The following LRP4 variants were observed in gnomAD, a reference collection of about 807,000 sequenced individuals.
LRP4 encodes low-density lipoprotein receptor-related protein 4.
LRP4 carries 95 observed loss-of-function variants against 220.3 expected under a neutral mutation model. That is an observed-to-expected ratio of 0.43 (90% CI 0.37 to 0.51). The LOEUF (loss-of-function observed/expected upper bound fraction) is 0.51. LRP4 is among the 20% of genes least tolerant of loss of function. LRP4 has a pLI of 0.00. For missense variants in LRP4, 1,925 were observed against 2,567.0 expected, an observed-to-expected ratio of 0.75 and a Z score of 5.40; for synonymous variants, 903 against 954.6, an observed-to-expected ratio of 0.95 and a Z score of 1.00.
chr11:46,876,895 T>C (rs1941035576), intron 23 of LRP4, 65 bp from the exon 24 acceptor site: 2 of 1,280,016 alleles, frequency 1.6e-6, no homozygotes, highest in Non-Finnish European at 1.1e-6. Context: ...ACACAGCTGA[T>C]TCATGTCTTG....
At chr11:46,888,133 C>T (rs2134832761) in intron 16 of LRP4, among the ~76,000 whole-genome samples, 1 of 151,024 alleles carries the variant, frequency 6.6e-6, no homozygotes, top group Non-Finnish European at 1.5e-5. Flanking sequence ...ACCAGCCTGA[C>T]CAACATGGTG....
At chr11:46,909,580 C>T (rs1183614358) in intron 1 of LRP4, among the ~76,000 whole-genome samples, 1 of 103,604 alleles carries the variant, frequency 9.7e-6, no homozygotes, top group African/African-American at 3.9e-5. Context: ...AGTCCGCAGT[C>T]CGGCCTGGGC....
At chr11:46,907,944 T>G (rs1030454765) in intron 1 of LRP4, among the ~76,000 whole-genome samples, 5 of 152,168 alleles carry the variant, frequency 3.3e-5, no homozygotes, top group African/African-American at 1.2e-4. Flanking sequence ...AACCATCTTT[T>G]TTTTTTCCGA....
Position 46,898,568 on chromosome 11 carries a change from C to T in LRP4, c.786G>A (p.Glu262=), listed in dbSNP as rs1941594175. Residue 262 remains glutamate (E), a synonymous_variant, in exon 7 of 38, where the codon GAG becomes GAA. Transcript: ENST00000378623. The part of the protein sequence containing the change: ...GDADCDDQSD[E]RNCTTSMCTA... ...CATTTCCCCACTCACTGCAGTTGCG[C>T]TCATCAGACTGGTCATCACAGTCCG... 1 of 1,614,062 alleles carries T rather than the reference C, an allele frequency of 6.2e-7. No homozygotes were observed. Among genetic ancestry groups the T allele is most frequent in the African/African-American group, 1.3e-5 (1 of 74,942 alleles).
In LRP4 at chr11:46,868,634, A is replaced by G; in HGVS notation, c.4917T>C (p.Cys1639=). ...AGGGCCGGCTATCAGGTTCGTCAGG[A>G]CAGGCACATACGAAGTCCGAGGCTC... The part of the protein sequence containing the change: ...FARASDFVCA[C]PDEPDSRPCS... Residue 1639 remains cysteine, a synonymous_variant, in exon 33 of 38, where the codon TGT becomes TGC. Transcript: ENST00000378623. 6.2e-7 allele frequency: 1 copy of G among 1,614,164 alleles called. No individual in the cohort carries two copies. The highest frequency in any genetic ancestry group is 8.5e-7 in the Non-Finnish European group (1 of 1,180,006).
In LRP4 at chr11:46,871,346, T is replaced by C. The variant is rs377431898; in HGVS notation, c.4692+179A>G. Among the ~76,000 whole-genome samples, 45 of 151,902 alleles carry C rather than the reference T, an allele frequency of 3.0e-4. No homozygotes were observed. In the South Asian group the frequency reaches 8.7e-3, roughly 30 times the overall value. On this transcript the variant is annotated intron_variant, in intron 31 of 37. Coordinates refer to ENST00000378623, the MANE Select transcript of LRP4 (RefSeq NM_002334.4). The stretch of plus-strand genomic sequence containing the variant: ...GAACATGGGAATGGCAGGATAAGAG[T>C]AGCAAGGCACTCGGTGGCCCTACCA...
chr11:46,897,545 G>A (rs1406328441), intron 7 of LRP4, among the ~76,000 whole-genome samples: 1 of 149,380 alleles, frequency 6.7e-6, no homozygotes, highest in African/African-American at 2.5e-5. Flanking sequence ...TGTGTCCCTG[G>A]GTACTTGAGA....
intron 19 of LRP4, among the ~76,000 whole-genome samples, chr11:46,882,866 AAAC>A (rs34769564): frequency 0.37 from 55,817 of 151,610 alleles, 11,792 homozygotes; most frequent in Non-Finnish European, 0.46. Flanking sequence ...CAAAACAAAC[AAAC>A]AACAACAACA....
chr11:46,905,640 C>G (rs1208313251), intron 1 of LRP4, among the ~76,000 whole-genome samples: 1 of 152,102 alleles, frequency 6.6e-6, no homozygotes, highest in Non-Finnish European at 1.5e-5. Flanking sequence ...CACCTGAGGT[C>G]AGGAGTTCAA....
At position 46,875,786 on chromosome 11, in the gene LRP4, C is replaced by T. The variant is rs1652126302; in HGVS notation, c.3699+18G>A. 6.2e-7 allele frequency: 1 copy of T among 1,613,910 alleles called. No individual in the cohort carries two copies. ...ATCTTCCCAGGCTCCTGGGAAGCAG[C>T]AGGGACACGGCTCTCACCTCGGTGT... On this transcript the variant is annotated intron_variant, in intron 26 of 37. Coordinates refer to ENST00000378623, the MANE Select transcript of LRP4 (RefSeq NM_002334.4). The surrounding 1 kb of genome is among the most constrained non-coding windows in gnomAD (Gnocchi z 4.5).
chr11:46,877,054 G>T, intron 23 of LRP4, 145 bp downstream of exon 23: 1 of 1,018,594 alleles, frequency 9.8e-7, no homozygotes. Context: ...GAGTGCTAGA[G>T]AGACAGGGAC....
At chr11:46,863,755 T>G (rs1940621862) in intron 36 of LRP4, among the ~76,000 whole-genome samples, 1 of 151,816 alleles carries the variant, frequency 6.6e-6, no homozygotes, top group African/African-American at 2.4e-5. Flanking sequence ...TGAGACTCTA[T>G]CTCAAAAAAA....
At chr11:46,887,951 G>A (rs923483350) in intron 16 of LRP4, among the ~76,000 whole-genome samples, 2 of 138,284 alleles carry the variant, frequency 1.4e-5, no homozygotes, top group Non-Finnish European at 3.0e-5. Flanking sequence ...GGAAGTCGAA[G>A]CTGCAGTGAG....
intron 1 of LRP4, among the ~76,000 whole-genome samples, chr11:46,912,184 C>T (rs1251164341): frequency 6.6e-6 from 1 of 152,162 alleles, no homozygotes; most frequent in Non-Finnish European, 1.5e-5. Context: ...TGTTACCTAC[C>T]TCATAAGGAT....
Position 46,857,839 on chromosome 11 carries a change from C to T in LRP4, c.*1144G>A, listed in dbSNP as rs1940419178. ...GAGGAACATCACCACCCCGTAGCCA[C>T]AGGCTTGCTGTCCACTAACTTAGAT... On this transcript the variant is annotated 3_prime_UTR_variant, in exon 38 of 38. Transcript: ENST00000378623. The T allele has an allele frequency of 6.6e-6, 1 of 152,620 alleles. No individual in the cohort carries two copies. 9.5% of individuals were successfully genotyped at this position (152,620 alleles called of 1,614,324 possible). A position where few individuals can be genotyped will look rare whatever the true frequency, so the allele number is the denominator to read the frequency against.
chr11:46,894,778 G>A lies in LRP4; in HGVS notation c.1351C>T (p.Arg451Trp), dbSNP rs772150136. ...VLLFANRIDI[R>W]QVLPHRSEYT... ...TCAGAGCGGTGTGGCAGCACCTGCCGGATGTCGATGCGATTGGCGAACAGC... is the reference window on the plus strand; with the variant it reads ...TCAGAGCGGTGTGGCAGCACCTGCCAGATGTCGATGCGATTGGCGAACAGC... The change falls in exon 12 of 38, where the codon CGG (arginine) becomes TGG (tryptophan). Residue 451 changes from arginine (R) to tryptophan (W), a missense_variant. Arg to Trp is a moderately radical substitution (Grantham distance 101). Coordinates refer to ENST00000378623, the MANE Select transcript of LRP4 (RefSeq NM_002334.4). 9.3e-6 allele frequency: 15 copies of A among 1,614,082 alleles called. 1 individual carries two copies. Among genetic ancestry groups the A allele is most frequent in the Admixed American group, 5.0e-5 (3 of 60,006 alleles).
At chr11:46,861,026 C>G (rs956792651) in intron 37 of LRP4, 1 of 870,206 alleles carries the variant, frequency 1.1e-6, no homozygotes, top group African/African-American at 1.8e-5. Flanking sequence ...AAAGAGGTCA[C>G]ACTATTTTCA....
In LRP4 at chr11:46,883,930, T is replaced by A; in HGVS notation, c.2553A>T (p.Thr851=). 1 of 1,614,254 alleles carries A rather than the reference T, an allele frequency of 6.2e-7. No individual in the cohort carries two copies. The highest frequency in any genetic ancestry group is 8.5e-7 in the Non-Finnish European group (1 of 1,180,036). ...GATCAAGGTTCTCCCAGATGAGTAC[T>A]GTTCTCATGCTGCCATCTGTGTTGG... is the stretch of plus-strand genomic sequence containing the variant. ...EVANTDGSMR[T]VLIWENLDRP... Residue 851 remains threonine, a synonymous_variant, in exon 19 of 38, where the codon ACA becomes ACT. Coordinates refer to ENST00000378623, the MANE Select transcript of LRP4 (RefSeq NM_002334.4).
Position 46,896,893 on chromosome 11 carries a change from C to G in LRP4, c.898G>C (p.Asp300His). ...CCTGTATTCTCACAGTTCTCTTCATCGCTGTTGTCTGCACAGTCGTCCTCC... is the reference window on the plus strand; with the variant it reads ...CCTGTATTCTCACAGTTCTCTTCATGGCTGTTGTCTGCACAGTCGTCCTCC... ...DGEDDCADNS[D>H]EENCENTGSP... The change falls in exon 8 of 38, where the codon GAT becomes CAT. Residue 300 changes from aspartate (D) to histidine (H), a missense_variant. By Grantham distance (81) the Asp-to-His change is moderately conservative (BLOSUM62 -1). Around this residue, in one of 3 missense-constraint regions of LRP4, gnomAD observed 412 missense variants for 505.4 expected, o/e 0.82. Coordinates refer to ENST00000378623, the MANE Select transcript of LRP4 (RefSeq NM_002334.4). 6.2e-7 allele frequency: 1 copy of G among 1,614,222 alleles called. No individual in the cohort carries two copies. The highest frequency in any genetic ancestry group is 1.1e-5 in the South Asian group (1 of 91,084).
Sources: allele counts gnomAD v4.1 joint callset (sites outside exome capture counted in the v4.1 genomes callset), GRCh38; gene constraint gnomAD v4.1.1; regional missense constraint gnomAD v4.1.1; non-coding constraint Gnocchi (gnomAD v3.1); transcripts MANE v1.5; gene names NCBI Gene and HGNC (gene_info 2026-07-23, HGNC 2026-07-21).